Variants in MCF2L observed in about 807,000 individuals in gnomAD.
MCF2L encodes MCF.2 cell line derived transforming sequence like.
A neutral mutation model predicts 153.4 loss-of-function variants in MCF2L; 97 were observed. The observed-to-expected ratio is 0.63, with a 90% confidence interval of 0.54 to 0.75. The LOEUF is 0.75. MCF2L is among the 30% of genes least tolerant of loss of function. MCF2L has a pLI of 0.00. For missense variants in MCF2L, 1,347 were observed against 1,495.2 expected (o/e 0.90, Z 1.64); for synonymous variants, 659 against 632.2 (o/e 1.04, Z -0.64).
rs2082993280 is a variant in MCF2L at position 112,993,805 on chromosome 13, A to G, written c.80-20958A>G. On this transcript the variant is annotated intron_variant, in intron 1 of 29. Transcript: ENST00000535094. The surrounding 1 kb of genome is among the most constrained non-coding windows in gnomAD (Gnocchi z 4.6). ...GAATGGGGTCCTGGGTGAAGATGACACCACAGATACCTTGGAGATCTGCCT... is the reference window on the plus strand; with the variant it reads ...GAATGGGGTCCTGGGTGAAGATGACGCCACAGATACCTTGGAGATCTGCCT... Among the ~76,000 whole-genome samples the G allele has an allele frequency of 6.6e-6, 1 of 152,078 alleles. No homozygotes were observed. The highest frequency in any genetic ancestry group is 1.5e-5 in the Non-Finnish European group (1 of 68,024).
At chr13:112,997,186 C>T (rs543947459) in intron 1 of MCF2L, among the ~76,000 whole-genome samples, 7 of 152,332 alleles carry the variant, frequency 4.6e-5, no homozygotes, top group South Asian at 2.1e-4. Context: ...TCGAGAGCCT[C>T]GGGTGAGTCT....
rs2082785285 is a variant in MCF2L at position 112,989,098 on chromosome 13, GC to G, written c.79+19641del. Among the ~76,000 whole-genome samples the G allele has an allele frequency of 3.2e-5, 2 of 62,096 alleles. 1 individual carries two copies. Among genetic ancestry groups the G allele is most frequent in the Non-Finnish European group, 7.5e-5 (2 of 26,780 alleles). The allele number at this position is 62,096 out of a possible 152,430, so 40.7% of individuals were successfully genotyped here. On this transcript the variant is annotated intron_variant, in intron 1 of 29. Coordinates refer to ENST00000535094, the MANE Select transcript of MCF2L (RefSeq NM_001112732.3). ...GAGTCCTCCCTGAGCAGGGGATGGA[GC>G]TACCACACCGGAGTCCTCCCTGAGC...
At chr13:112,961,894 C>T (rs190126674) in intron 2 of MCF2L, among the ~76,000 whole-genome samples, 1 of 152,324 alleles carries the variant, frequency 6.6e-6, no homozygotes, top group Admixed American at 6.5e-5. Context: ...TTCACCCTCA[C>T]TCCCACCCTC....
intron 11 of MCF2L, 100 bp from the exon 12 acceptor site, chr13:113,075,866 G>A (rs751402775): frequency 1.0e-4 from 97 of 945,758 alleles, no homozygotes; most frequent in Middle Eastern, 3.5e-4. Context: ...TCGGTGGCCC[G>A]GGATCTGTCG....
Position 113,087,267 on chromosome 13 carries a change from G to A in MCF2L, c.2406G>A (p.Met802Ile). 1 of 1,612,584 alleles carries A rather than the reference G, an allele frequency of 6.2e-7. No homozygotes were observed. The highest frequency in any genetic ancestry group is 8.5e-7 in the Non-Finnish European group (1 of 1,179,980). Residue 802 changes from methionine to isoleucine, a missense_variant, in exon 22 of 30, where the codon ATG (methionine) becomes ATA (isoleucine). Physicochemically the swap from Met to Ile is conservative, Grantham distance 10 (BLOSUM62 1). This residue lies in a region of MCF2L where 144 missense variants were observed against 238.7 expected (regional missense o/e 0.60). Coordinates refer to ENST00000535094, the MANE Select transcript of MCF2L (RefSeq NM_001112732.3). Reference sequence around the variant, plus strand: ...TCGGCGACCTGGGCAAGCTGCTGATGCAGGGCTCGTTCAGCGTCTGGACCG... The same window carrying A: ...TCGGCGACCTGGGCAAGCTGCTGATACAGGGCTCGTTCAGCGTCTGGACCG... ...GNLGDLGKLLMQGSFSVWTDH... is the reference protein window; with the variant it reads ...GNLGDLGKLLIQGSFSVWTDH...
upstream of MCF2L, chr13:112,968,863 G>A (rs2081947119): frequency 4.2e-6 from 4 of 949,770 alleles, no homozygotes; most frequent in African/African-American, 1.7e-5. Flanking sequence ...GCACCCGCGG[G>A]GCTCCCAGGG....
chr13:112,942,590 C>G (rs998397803), intron 2 of MCF2L, among the ~76,000 whole-genome samples: 1 of 152,168 alleles, frequency 6.6e-6, no homozygotes, highest in Non-Finnish European at 1.5e-5. Flanking sequence ...AACCCACTGA[C>G]CCTGTGGGGC....
In MCF2L at chr13:113,045,505, C is replaced by T. The variant is rs1156281534; in HGVS notation, c.369+144C>T. 14 of 709,180 alleles carry T rather than the reference C, an allele frequency of 2.0e-5. No homozygotes were observed. The East Asian group carries it at 3.6e-4, about 18-fold the overall frequency. 43.9% of individuals were successfully genotyped at this position (709,180 alleles called of 1,614,324 possible). A position where few individuals can be genotyped will look rare whatever the true frequency, so the allele number is the denominator to read the frequency against. ...AGTCCCGGCGGGTGGAGGCCGGCGC[C>T]AAGGCCCCCCCTGCTTGGGCTCCCA... On this transcript the variant is annotated intron_variant, in intron 4 of 29. Transcript: ENST00000535094. This position sits in a 1 kb window ranked among gnomAD's most constrained non-coding sequence, Gnocchi z 4.2.
chr13:113,069,585 T>A (rs7983893), intron 8 of MCF2L, among the ~76,000 whole-genome samples: 7 of 24,952 alleles, frequency 2.8e-4, no homozygotes, highest in Admixed American at 4.2e-4. Context: ...CCCAGCTACG[T>A]GGAGGCAGAG....
intron 1 of MCF2L, among the ~76,000 whole-genome samples, chr13:112,988,905 GACATGGAGCTACCACGCCCGA>G: frequency 7.8e-6 from 1 of 128,030 alleles, no homozygotes; most frequent in Admixed American, 7.3e-5. Context: ...CCCTGAGCAG[GACATGGAGCTACCACGCCCGA>G]GTCCTCCCTG....
intron 13 of MCF2L, among the ~76,000 whole-genome samples, chr13:113,077,430 T>C (rs2033614899): frequency 6.6e-6 from 1 of 152,168 alleles, no homozygotes; most frequent in African/African-American, 2.4e-5. Flanking sequence ...GCCACGCCCA[T>C]CCTGTGCCAC....
intron 1 of MCF2L, among the ~76,000 whole-genome samples, chr13:113,010,615 C>T (rs562989511): frequency 6.6e-6 from 1 of 152,352 alleles, no homozygotes; most frequent in South Asian, 2.1e-4. Flanking sequence ...TGGCCACCCC[C>T]TCGTCGGCCC....
chr13:112,948,847 C>T (rs1365326104), intron 2 of MCF2L, among the ~76,000 whole-genome samples: 1 of 152,242 alleles, frequency 6.6e-6, no homozygotes, highest in African/African-American at 2.4e-5. Context: ...GGGTGGATCA[C>T]CTGAGGCCAG....
chr13:112,897,594 A>C (rs1446498482), intron 1 of MCF2L, among the ~76,000 whole-genome samples: 3 of 152,248 alleles, frequency 2.0e-5, no homozygotes, highest in Non-Finnish European at 4.4e-5. Flanking sequence ...GAAAGTGAAG[A>C]GCATTACTGA....
At chr13:113,022,718 T>C (rs1166891510) in intron 2 of MCF2L, among the ~76,000 whole-genome samples, 1 of 152,228 alleles carries the variant, frequency 6.6e-6, no homozygotes, top group Non-Finnish European at 1.5e-5. Context: ...TGGTAGGTGC[T>C]GCGTGAAGCT....
intron 1 of MCF2L, chr13:113,010,289 T>C (rs1046191383): frequency 3.3e-5 from 5 of 152,230 alleles, no homozygotes; most frequent in African/African-American, 1.2e-4. Flanking sequence ...AGGATGAAAT[T>C]GTCCTCAAAT....
chr13:112,986,231 G>A (rs538362920), intron 1 of MCF2L, among the ~76,000 whole-genome samples: 61 of 150,308 alleles, frequency 4.1e-4, no homozygotes, highest in African/African-American at 1.5e-3. Flanking sequence ...GGCCGCGGCC[G>A]GATGCCATGT....
At chr13:112,962,781 CG>C (rs1443772012) in intron 2 of MCF2L, among the ~76,000 whole-genome samples, 1 of 152,182 alleles carries the variant, frequency 6.6e-6, no homozygotes, top group East Asian at 1.9e-4. Flanking sequence ...CCGTGTGCAC[CG>C]GCTCTGCCCC....
chr13:113,096,771 C>T lies in MCF2L; in HGVS notation c.3293-3C>T. On this transcript the variant is annotated splice_polypyrimidine_tract_variant and splice_region_variant and intron_variant, in intron 29 of 29. Coordinates refer to ENST00000535094, the MANE Select transcript of MCF2L (RefSeq NM_001112732.3). The stretch of plus-strand genomic sequence containing the variant: ...AGCCCGTCCCCGCCTGATCTCCCCG[C>T]AGAGTCGAGCCCGGGGTCGGCCGTG... 2 of 1,567,182 alleles carry T rather than the reference C, an allele frequency of 1.3e-6. No homozygotes were observed. Among genetic ancestry groups the T allele is most frequent in the Non-Finnish European group, 1.7e-6 (2 of 1,165,558 alleles).
Sources: allele counts gnomAD v4.1 joint callset (sites outside exome capture counted in the v4.1 genomes callset), GRCh38; gene constraint gnomAD v4.1.1; regional missense constraint gnomAD v4.1.1; non-coding constraint Gnocchi (gnomAD v3.1); transcripts MANE v1.5; gene names NCBI Gene and HGNC (gene_info 2026-07-23, HGNC 2026-07-21).